CTCF: variants seen among roughly 807,000 people sequenced by gnomAD.
CTCF encodes transcriptional repressor CTCF.
In CTCF, 7 loss-of-function variants were observed where a neutral mutation model predicts 72.3. The observed-to-expected ratio is 0.10, with a 90% CI of 0.06 to 0.18. CTCF has a LOEUF of 0.18. Among genes scored for constraint, CTCF ranks in the 10% least tolerant of loss-of-function variants. The pLI is 1.00. For missense variants in CTCF, 516 were observed against 949.1 expected, an observed-to-expected ratio of 0.54 and a Z score of 6.00; for synonymous variants, 374 against 315.8, an observed-to-expected ratio of 1.18 and a Z score of -1.95.
chr16:67,578,936 A>C (rs1178758550), intron 2 of CTCF, among the ~76,000 whole-genome samples: 1 of 147,172 alleles, frequency 6.8e-6, no homozygotes, highest in Non-Finnish European at 1.5e-5. Context: ...GGACAAGAGC[A>C]AGACTTCGTC....
At chr16:67,634,459 C>T (rs559761260) in intron 10 of CTCF, among the ~76,000 whole-genome samples, 15 of 150,776 alleles carry the variant, frequency 9.9e-5, no homozygotes, top group East Asian at 2.0e-4. Flanking sequence ...CCACCCACCT[C>T]GGCCTCCTAA....
At chr16:67,609,683 G>T (rs1692516014) in intron 2 of CTCF, among the ~76,000 whole-genome samples, 1 of 151,106 alleles carries the variant, frequency 6.6e-6, no homozygotes, top group African/African-American at 2.4e-5. Context: ...GAGTGCAGTG[G>T]CGCGATCTTG....
At chr16:67,608,964 C>T (rs969635779) in intron 2 of CTCF, among the ~76,000 whole-genome samples, 21 of 151,902 alleles carry the variant, frequency 1.4e-4, no homozygotes, top group Non-Finnish European at 3.1e-4. Flanking sequence ...TGGTCTCGTA[C>T]TCCCGACCTC....
At position 67,600,857 on chromosome 16, in the gene CTCF, T is replaced by G. The variant is rs528929884; in HGVS notation, c.-9-9967T>G. Among the ~76,000 whole-genome samples the G allele has an allele frequency of 2.0e-5, 3 of 152,236 alleles. No individual in the cohort carries two copies. In the South Asian group the frequency reaches 6.2e-4, roughly 32 times the overall value. ...AAAAAAAATGTGTCCTGTAAGTAAA[T>G]TAAAACCGCTTTGAGTGATATAAAC... On this transcript the variant is annotated intron_variant, in intron 2 of 11. Coordinates refer to ENST00000264010, the MANE Select transcript of CTCF (RefSeq NM_006565.4).
At position 67,564,207 on chromosome 16, in the gene CTCF, A is replaced by T. The variant is rs1204484716; in HGVS notation, c.-127+1483A>T. ...AAGTTTTCTTTCTTCACTAAAAAGC[A>T]TCCCGTTGAATTGCGGGAGTCTTTT... is the stretch of plus-strand genomic sequence containing the variant. On this transcript the variant is annotated intron_variant, in intron 1 of 11. Transcript: ENST00000264010. Among the ~76,000 whole-genome samples, 6 of 152,368 alleles carry T rather than the reference A, an allele frequency of 3.9e-5. No homozygotes were observed. The South Asian group carries it at 8.3e-4, about 21-fold the overall frequency.
intron 7 of CTCF, among the ~76,000 whole-genome samples, chr16:67,622,903 C>G (rs994442714): frequency 1.4e-5 from 2 of 146,048 alleles, no homozygotes; most frequent in Non-Finnish European, 1.5e-5. Context: ...CTCAGGTGAT[C>G]TGCCTACCTC....
chr16:67,633,781 G>GACAC (rs10587869), intron 10 of CTCF, among the ~76,000 whole-genome samples: 12,060 of 143,114 alleles, frequency 0.084, 589 homozygotes, highest in African/African-American at 0.14. Context: ...CTTGTCCCCT[G>GACAC]ACACACACAC....
At chr16:67,596,356 T>G (rs566702907) in intron 2 of CTCF, among the ~76,000 whole-genome samples, 1 of 152,296 alleles carries the variant, frequency 6.6e-6, no homozygotes, top group South Asian at 2.1e-4. Flanking sequence ...TTGGTTTTTT[T>G]CTTATTCATC....
Position 67,611,012 on chromosome 16 carries a change from G to A in CTCF, c.180G>A (p.Met60Ile). The A allele has an allele frequency of 6.2e-7, 1 of 1,614,028 alleles. No homozygotes were observed. The highest frequency in any genetic ancestry group is 8.5e-7 in the Non-Finnish European group (1 of 1,179,930). Residue 60 changes from methionine (M) to isoleucine (I), a missense_variant, in exon 3 of 12, where the codon ATG becomes ATA. Coordinates refer to ENST00000264010, the MANE Select transcript of CTCF (RefSeq NM_006565.4). Reference sequence around the variant, plus strand: ...AGGATGTCAACAGCAGTGTACAGATGGTGATGATGGAACAGCTGGACCCCA... The same window carrying A: ...AGGATGTCAACAGCAGTGTACAGATAGTGATGATGGAACAGCTGGACCCCA... ...VVQDVNSSVQ[M>I]VMMEQLDPTL...
At chr16:67,566,579 G>A (rs1264555516) in intron 1 of CTCF, among the ~76,000 whole-genome samples, 1 of 150,934 alleles carries the variant, frequency 6.6e-6, no homozygotes, top group Non-Finnish European at 1.5e-5. Flanking sequence ...TTCTTGTGGG[G>A]TATTTGTTTG....
At chr16:67,624,071 A>ATGTGTGTGTGTGTGTGTGTG (rs58387336) in intron 7 of CTCF, among the ~76,000 whole-genome samples, 10 of 117,580 alleles carry the variant, frequency 8.5e-5, no homozygotes, top group Admixed American at 1.9e-4. Context: ...AAAATTATAT[A>ATGTGTGTGTGTGTGTGTGTG]TGTGTGTGTG....
intron 2 of CTCF, among the ~76,000 whole-genome samples, chr16:67,592,717 A>G (rs932304831): frequency 1.7e-4 from 25 of 148,642 alleles, no homozygotes; most frequent in African/African-American, 6.2e-4. Flanking sequence ...AAACAACAAC[A>G]TCAAAAAAAG....
intron 2 of CTCF, among the ~76,000 whole-genome samples, chr16:67,606,449 A>G (rs972142889): frequency 6.6e-6 from 1 of 152,204 alleles, no homozygotes; most frequent in Non-Finnish European, 1.5e-5. Flanking sequence ...CCTTTATGTT[A>G]GACAGTAACT....
chr16:67,606,557 T>C (rs894222457), intron 2 of CTCF, among the ~76,000 whole-genome samples: 1 of 151,428 alleles, frequency 6.6e-6, no homozygotes, highest in Non-Finnish European at 1.5e-5. Flanking sequence ...AATGTCATTC[T>C]CTCTGTAGTA....
chr16:67,624,922 G>A (rs2052262519), intron 7 of CTCF, among the ~76,000 whole-genome samples: 1 of 151,748 alleles, frequency 6.6e-6, no homozygotes, highest in Admixed American at 6.6e-5. Flanking sequence ...GTGTGTATGT[G>A]TGCTTGTGTG....
rs1043397783 is a variant in CTCF at position 67,636,722 on chromosome 16, G to A, written c.1870G>A (p.Asp624Asn). ...NAEPDLDDNE[D>N]EEEPAVEIEP... ...TGAACCAGATCTGGACGACAATGAG[G>A]ATGAGGAGGAGCCTGCCGTAGAAAT... Residue 624 changes from aspartate (D) to asparagine (N), a missense_variant, in exon 11 of 12, where the codon GAT (aspartate) becomes AAT (asparagine). Transcript: ENST00000264010. 3.7e-6 allele frequency: 6 copies of A among 1,609,844 alleles called. No homozygotes were observed. The highest frequency in any genetic ancestry group is 5.1e-6 in the Non-Finnish European group (6 of 1,178,086).
chr16:67,626,722 A>G lies in CTCF; in HGVS notation c.1518+7A>G, dbSNP rs775001872. The G allele has an allele frequency of 1.4e-6, 2 of 1,407,438 alleles. No homozygotes were observed. Among genetic ancestry groups the G allele is most frequent in the South Asian group, 1.8e-5 (1 of 56,534 alleles). The allele number at this position is 1,407,438 out of a possible 1,614,324, so 87.2% of individuals were successfully genotyped here. ...TGATTACGCTTGTAGACAGGTAGGA[A>G]CCTTCATTGAAAGTTGTTGGTGCTT... On this transcript the variant is annotated splice_region_variant and intron_variant, in intron 8 of 11. Coordinates refer to ENST00000264010, the MANE Select transcript of CTCF (RefSeq NM_006565.4).
chr16:67,583,128 G>T (rs1472157931), intron 2 of CTCF, among the ~76,000 whole-genome samples: 1 of 151,518 alleles, frequency 6.6e-6, no homozygotes, highest in South Asian at 2.1e-4. Context: ...GGGATTACAG[G>T]CACCAACTAC....
chr16:67,621,036 TACA>T (rs2052193255), intron 6 of CTCF: 3 of 403,992 alleles, frequency 7.4e-6, no homozygotes, highest in Non-Finnish European at 1.3e-5. Flanking sequence ...TGAATCTGCC[TACA>T]ACAAGAAAAA....
Sources: allele counts gnomAD v4.1 joint callset (sites outside exome capture counted in the v4.1 genomes callset), GRCh38; gene constraint gnomAD v4.1.1; transcripts MANE v1.5; gene names NCBI Gene and HGNC (gene_info 2026-07-23, HGNC 2026-07-21).